PMFBP1: variants seen among roughly 807,000 people sequenced by gnomAD.
PMFBP1 encodes the protein polyamine modulated factor 1 binding protein 1, also known as polyamine-modulated factor 1-binding protein 1.
PMFBP1 carries 131 observed loss-of-function variants against 137.8 expected under a neutral mutation model. The observed-to-expected ratio is 0.95, with a 90% CI of 0.82 to 1.10. The LOEUF (loss-of-function observed/expected upper bound fraction) is 1.10. PMFBP1 is among the 50% of genes least tolerant of loss of function. The pLI is 0.00. For synonymous variants in PMFBP1, 490 were observed against 450.4 expected (o/e 1.09, Z -1.11); for missense variants, 1,199 against 1,175.4 (o/e 1.02, Z -0.29).
rs954281989 is a variant in PMFBP1 at position 72,150,748 on chromosome 16, A to C, written c.496T>G (p.Leu166Val). Residue 166 changes from leucine to valine, a missense_variant, in exon 5 of 21, where the codon TTG becomes GTG. Coordinates refer to ENST00000237353, the MANE Select transcript of PMFBP1 (RefSeq NM_031293.3). ...AGAGAGGCGATCTTGTCCCCGGCCA[A>C]GGCGAGTTGCTCCTGCGCCAAATGG... ...KLHLAQEQLA[L>V]AGDKIASLER... 6.2e-7 allele frequency: 1 copy of C among 1,614,082 alleles called. No individual in the cohort carries two copies. The highest frequency in any genetic ancestry group is 1.3e-5 in the African/African-American group (1 of 74,934).
chr16:72,199,279 A>G, the PMFBP1 span, among the ~76,000 whole-genome samples: 3 of 75,380 alleles, frequency 4.0e-5, no homozygotes, highest in Non-Finnish European at 7.6e-5. Context: ...ACTTTTAAGA[A>G]GACCTGCTTG....
chr16:72,130,376 C>A lies in PMFBP1; in HGVS notation c.1638-19G>T. Reference sequence around the variant, plus strand: ...CCGTTTTCTAAAGCAAAATAACAGCCACAGGAGGACAGACTTCAGTGCCCA... The same window carrying A: ...CCGTTTTCTAAAGCAAAATAACAGCAACAGGAGGACAGACTTCAGTGCCCA... On this transcript the variant is annotated intron_variant, in intron 11 of 20. Coordinates refer to ENST00000237353, the MANE Select transcript of PMFBP1 (RefSeq NM_031293.3). 2 of 1,614,014 alleles carry A rather than the reference C, an allele frequency of 1.2e-6. No individual in the cohort carries two copies. The highest frequency in any genetic ancestry group is 1.7e-6 in the Non-Finnish European group (2 of 1,179,950).
the PMFBP1 span, among the ~76,000 whole-genome samples, chr16:72,192,250 G>A: frequency 6.6e-6 from 1 of 152,182 alleles, no homozygotes; most frequent in Non-Finnish European, 1.5e-5. Flanking sequence ...GAGAGAGAGA[G>A]ACAGAATTCC....
intron 5 of PMFBP1, 132 bp from the exon 6 acceptor site, chr16:72,140,714 T>G: frequency 1.2e-6 from 1 of 835,236 alleles, no homozygotes; most frequent in Non-Finnish European, 1.8e-6. Flanking sequence ...ATGGTTTCCT[T>G]AACAAAACAA....
At chr16:72,247,175 C>T in the PMFBP1 span, among the ~76,000 whole-genome samples, 1 of 152,314 alleles carries the variant, frequency 6.6e-6, no homozygotes, top group African/African-American at 2.4e-5. Flanking sequence ...AACACAGAGA[C>T]TTAAGGATCT....
At chr16:72,144,242 C>T (rs1000776081) in intron 5 of PMFBP1, among the ~76,000 whole-genome samples, 3 of 151,666 alleles carry the variant, frequency 2.0e-5, no homozygotes, top group African/African-American at 7.3e-5. Context: ...CTAATTTCCC[C>T]CAAATTAGTA....
the PMFBP1 span, among the ~76,000 whole-genome samples, chr16:72,249,368 G>GAA: frequency 1.5e-5 from 2 of 136,740 alleles, no homozygotes; most frequent in South Asian, 2.3e-4. Context: ...CCCAAAGTTT[G>GAA]AAAAAAAAAA....
rs374825405 is a variant in PMFBP1, at chr16:72,128,190, G to A, written c.2088+467C>T. On this transcript the variant is annotated intron_variant, in intron 14 of 20. Transcript: ENST00000237353. The stretch of plus-strand genomic sequence containing the variant: ...AGCCATGTAAAGAGCTTAAGTGGAC[G>A]ACAAATAAATGACGACTGAATTCAA... Among the ~76,000 whole-genome samples, 102 of 152,180 alleles carry A rather than the reference G, an allele frequency of 6.7e-4. 1 individual carries two copies. The highest frequency in any genetic ancestry group is 2.4e-3 in the African/African-American group (99 of 41,432).
At chr16:72,160,231 T>C (rs764531242) in intron 3 of PMFBP1, among the ~76,000 whole-genome samples, 15 of 152,258 alleles carry the variant, frequency 9.9e-5, no homozygotes, top group African/African-American at 1.4e-4. Context: ...CTTTTCAAGT[T>C]GATGCTAATT....
At chr16:72,194,025 T>C in the PMFBP1 span, among the ~76,000 whole-genome samples, 2 of 151,942 alleles carry the variant, frequency 1.3e-5, no homozygotes, top group Non-Finnish European at 2.9e-5. Flanking sequence ...GGTCAAATAT[T>C]TTCATTTTAT....
chr16:72,124,976 C>G lies in PMFBP1; in HGVS notation c.2422-42G>C, dbSNP rs370692749. ...AGTGAGGAGGGGGACTCCAGCTGGC[C>G]TCCCTGACCGCAGGACCCACAAGGC... On this transcript the variant is annotated intron_variant, in intron 16 of 20. Transcript: ENST00000237353. 4.7e-5 allele frequency: 76 copies of G among 1,602,008 alleles called. 2 individuals are homozygous for G. The highest frequency in any genetic ancestry group is 2.7e-4 in the Admixed American group (16 of 59,262).
intron 2 of PMFBP1, among the ~76,000 whole-genome samples, chr16:72,166,234 G>A (rs1333923160): frequency 2.6e-5 from 4 of 152,088 alleles, no homozygotes; most frequent in Admixed American, 1.3e-4. Flanking sequence ...GGGTCATGGG[G>A]GTGGTTTCTC....
At chr16:72,249,442 T>C in the PMFBP1 span, among the ~76,000 whole-genome samples, 1 of 152,314 alleles carries the variant, frequency 6.6e-6, no homozygotes, top group South Asian at 2.1e-4. Flanking sequence ...AGAATTTTTT[T>C]CTCAAATTGT....
the PMFBP1 span, among the ~76,000 whole-genome samples, chr16:72,195,705 C>T: frequency 2.6e-5 from 4 of 152,238 alleles, no homozygotes; most frequent in African/African-American, 9.7e-5. Flanking sequence ...TCTTGTTATA[C>T]AGTTTGATCA....
the PMFBP1 span, among the ~76,000 whole-genome samples, chr16:72,246,390 T>C: frequency 2.6e-3 from 402 of 152,238 alleles, 3 homozygotes; most frequent in African/African-American, 9.4e-3. Flanking sequence ...CTCAGGCTAC[T>C]GTGAGGAACA....
chr16:72,182,086 T>C, the PMFBP1 span, among the ~76,000 whole-genome samples: 1 of 152,364 alleles, frequency 6.6e-6, no homozygotes, highest in South Asian at 2.1e-4. Context: ...TAGACAAGCT[T>C]GGTTTAGAAG....
At chr16:72,219,203 G>A in the PMFBP1 span, among the ~76,000 whole-genome samples, 6 of 152,174 alleles carry the variant, frequency 3.9e-5, no homozygotes, top group Non-Finnish European at 5.9e-5. Context: ...TCACCATGAT[G>A]TATTACTGAG....
upstream of PMFBP1, among the ~76,000 whole-genome samples, chr16:72,180,846 G>A (rs985043716): frequency 3.3e-5 from 5 of 152,174 alleles, no homozygotes; most frequent in East Asian, 1.9e-4. Flanking sequence ...CCGTGGTCCC[G>A]GTAACCAGGA....
At chr16:72,225,709 T>TATTATAATC in the PMFBP1 span, among the ~76,000 whole-genome samples, 3 of 109,604 alleles carry the variant, frequency 2.7e-5, no homozygotes, top group Non-Finnish European at 6.1e-5. Flanking sequence ...TGAGACTGTT[T>TATTATAATC]ATAATAATAA....
Sources: gnomAD v4.1 joint callset for allele counts (sites outside exome capture counted in the v4.1 genomes callset) on GRCh38, gnomAD v4.1.1 for gene constraint, MANE v1.5 for transcripts, NCBI Gene and HGNC (gene_info 2026-07-23, HGNC 2026-07-21) for gene names.